SLC28A1: variants seen among roughly 807,000 people sequenced by gnomAD.
SLC28A1 encodes the protein solute carrier family 28 member 1, also known as sodium/nucleoside cotransporter 1.
SLC28A1 carries 64 observed loss-of-function variants against 74.8 expected under a neutral mutation model. The ratio of observed to expected loss-of-function variants is 0.86; its 90% CI spans 0.70 to 1.05. The LOEUF (loss-of-function observed/expected upper bound fraction) is 1.05. Ranked by LOEUF, SLC28A1 falls within the 50% of genes least tolerant of loss-of-function variation. SLC28A1 has a pLI of 0.00. For missense variants in SLC28A1, 828 were observed against 822.8 expected, an observed-to-expected ratio of 1.01 and a Z score of -0.08; for synonymous variants, 359 against 335.0, an observed-to-expected ratio of 1.07 and a Z score of -0.78.
intron 6 of SLC28A1, among the ~76,000 whole-genome samples, chr15:84,903,585 G>C (rs1050241543): frequency 1.3e-5 from 2 of 152,166 alleles, no homozygotes; most frequent in Admixed American, 1.3e-4. Flanking sequence ...TTGCTGTTAA[G>C]GTAGGATCCG....
chr15:84,887,765 A>G lies in SLC28A1; in HGVS notation c.5A>G (p.Glu2Gly). ...TTCAGCTGGAAGGTCTGGGACATGG[A>G]GAACGACCCCTCGAGACGAAGAGAG... is the stretch of plus-strand genomic sequence containing the variant. M[E>G]NDPSRRRESI... The change falls in exon 3 of 19, where the codon GAG (glutamate) becomes GGG (glycine). Residue 2 changes from glutamate to glycine, a missense_variant. Glu to Gly is a moderately conservative substitution (Grantham distance 98). Transcript: ENST00000394573. 6.2e-7 allele frequency: 1 copy of G among 1,613,920 alleles called. No individual in the cohort carries two copies. Among genetic ancestry groups the G allele is most frequent in the Non-Finnish European group, 8.5e-7 (1 of 1,179,822 alleles).
intron 6 of SLC28A1, among the ~76,000 whole-genome samples, chr15:84,899,850 G>A (rs1422096674): frequency 4.0e-5 from 6 of 151,452 alleles, no homozygotes; most frequent in East Asian, 1.9e-4. Flanking sequence ...CCATGATCGC[G>A]CCACTGACTG....
chr15:84,887,194 T>G (rs749032663), intron 2 of SLC28A1, among the ~76,000 whole-genome samples: 5 of 152,206 alleles, frequency 3.3e-5, no homozygotes, highest in Non-Finnish European at 7.4e-5. Flanking sequence ...ACACTGAAGA[T>G]CTCACTTAAT....
intron 2 of SLC28A1, 66 bp downstream of exon 2, chr15:84,886,853 C>G (rs1964661122): frequency 1.2e-6 from 1 of 834,576 alleles, no homozygotes; most frequent in Non-Finnish European, 1.4e-6. Flanking sequence ...CCAGGGCATT[C>G]CCAGGCTCTG....
intron 5 of SLC28A1, among the ~76,000 whole-genome samples, chr15:84,894,231 C>A (rs1404272838): frequency 6.6e-6 from 1 of 151,890 alleles, no homozygotes; most frequent in South Asian, 2.1e-4. Flanking sequence ...AATTAGCCAG[C>A]CATGGCGGTG....
At chr15:84,911,858 C>CAAAAAA (rs57067372) in intron 9 of SLC28A1, among the ~76,000 whole-genome samples, 8 of 114,692 alleles carry the variant, frequency 7.0e-5, no homozygotes, top group African/African-American at 1.8e-4. Flanking sequence ...GACTCCATCT[C>CAAAAAA]AAAAAAAAAA....
chr15:84,905,725 G>A, intron 8 of SLC28A1, 73 bp downstream of exon 8: 2 of 1,125,970 alleles, frequency 1.8e-6, no homozygotes, highest in East Asian at 2.4e-5. Flanking sequence ...CTTGGCAGGG[G>A]GAAAAGTGGG....
At chr15:84,922,642 G>A (rs12901610) in intron 11 of SLC28A1, among the ~76,000 whole-genome samples, 13,248 of 152,132 alleles carry the variant, frequency 0.087, 1,075 homozygotes, top group East Asian at 0.46. Context: ...CACACAAAGC[G>A]GATCATTCCA....
intron 6 of SLC28A1, among the ~76,000 whole-genome samples, chr15:84,900,873 AGG>A (rs1966605627): frequency 8.2e-4 from 11 of 13,432 alleles, no homozygotes; most frequent in Admixed American, 2.1e-3. Context: ...GTGAAAGGCA[AGG>A]AAGGAAGGAA....
At chr15:84,886,062 A>G in intron 1 of SLC28A1, 1 of 789,044 alleles carries the variant, frequency 1.3e-6, no homozygotes. Flanking sequence ...CCGTCAGATG[A>G]GTTTAATGTT....
At chr15:84,900,751 C>T (rs908848188) in intron 6 of SLC28A1, among the ~76,000 whole-genome samples, 18 of 151,796 alleles carry the variant, frequency 1.2e-4, no homozygotes, top group Admixed American at 9.9e-4. Context: ...CTGCAGTGAG[C>T]TATGCACAAT....
rs1219647688 is a variant in SLC28A1 at position 84,886,789 on chromosome 15, T to A, written c.-17+2T>A. ...GAGCGACCTGTTAACCGCAAATACG[T>A]GAGTAGAAACAGGGCCCCGCTTCTG... is the stretch of plus-strand genomic sequence containing the variant. On this transcript the variant is annotated splice_donor_variant, in intron 2 of 18. Transcript: ENST00000394573. LOFTEE classifies it low-confidence loss of function (5UTR_SPLICE). 1.0e-6 allele frequency: 1 copy of A among 984,518 alleles called. No individual in the cohort carries two copies. Among genetic ancestry groups the A allele is most frequent in the Admixed American group, 6.2e-5 (1 of 16,254 alleles). The allele number at this position is 984,518 out of a possible 1,614,324, so 61.0% of individuals were successfully genotyped here.
chr15:84,928,531 T>A (rs71408846), intron 12 of SLC28A1, among the ~76,000 whole-genome samples: 1 of 43,320 alleles, frequency 2.3e-5, no homozygotes, highest in Non-Finnish European at 4.8e-5. Flanking sequence ...TCGTTCGTTC[T>A]TTCTTTCTTT....
At chr15:84,927,462 C>T (rs1036001181) in intron 12 of SLC28A1, among the ~76,000 whole-genome samples, 1 of 152,158 alleles carries the variant, frequency 6.6e-6, no homozygotes, top group African/African-American at 2.4e-5. Context: ...GGAGGAAAAA[C>T]AGCAAAGCCT....
chr15:84,975,447 C>A, the SLC28A1 span: 1 of 455,558 alleles, frequency 2.2e-6, no homozygotes, highest in Non-Finnish European at 4.4e-6. Context: ...GGTTGTTGCC[C>A]CTCATTTTAT....
At chr15:84,889,378 G>T (rs1277312232) in intron 4 of SLC28A1, among the ~76,000 whole-genome samples, 8 of 152,192 alleles carry the variant, frequency 5.3e-5, no homozygotes, top group Non-Finnish European at 1.0e-4. Context: ...ATCCGGAGCT[G>T]AGGACACCGT....
Position 84,944,856 on chromosome 15 carries a change from G to A in SLC28A1, c.1863G>A (p.Glu621=). ...TTGAGATTTACCAGTGCTGCCGTGA[G>A]GCCTTCCAGAGGTGAGGGCCTGGGC... is the stretch of plus-strand genomic sequence containing the variant. ...SSFEIYQCCR[E]AFQSVNPEFS... The change falls in exon 18 of 19, where the codon GAG becomes GAA. Residue 621 remains glutamate (E), a synonymous_variant. Coordinates refer to ENST00000394573, the MANE Select transcript of SLC28A1 (RefSeq NM_004213.5). 2.5e-6 allele frequency: 4 copies of A among 1,612,530 alleles called. No homozygotes were observed. The highest frequency in any genetic ancestry group is 3.4e-6 in the Non-Finnish European group (4 of 1,178,610).
At chr15:84,955,990 A>T in the SLC28A1 span, among the ~76,000 whole-genome samples, 1 of 152,086 alleles carries the variant, frequency 6.6e-6, no homozygotes, top group East Asian at 1.9e-4. Flanking sequence ...AGTACAACAG[A>T]TACTTGATTT....
chr15:84,935,320 G>A lies in SLC28A1; in HGVS notation c.1384-1G>A, dbSNP rs1209410916. 6.2e-7 allele frequency: 1 copy of A among 1,614,144 alleles called. No homozygotes were observed. The highest frequency in any genetic ancestry group is 1.7e-5 in the Admixed American group (1 of 60,012). On this transcript the variant is annotated splice_acceptor_variant, in intron 14 of 18. Transcript: ENST00000394573. LOFTEE classifies it high-confidence loss of function. ...TGCCAGCCATACCGTTGTGCCCTCA[G>A]CTCATCTGCTCCTACATCCTGCGGC...
Sources: allele counts gnomAD v4.1 joint callset (sites outside exome capture counted in the v4.1 genomes callset), GRCh38; gene constraint gnomAD v4.1.1; transcripts MANE v1.5; gene names NCBI Gene and HGNC (gene_info 2026-07-23, HGNC 2026-07-21).